The following ASH1L variants were observed in gnomAD, a reference collection of about 807,000 sequenced individuals.
ASH1L encodes ASH1 like histone lysine methyltransferase.
Under a neutral mutation model 269.0 loss-of-function variants are expected in ASH1L, and 23 were observed. That is an observed-to-expected ratio of 0.09 (90% CI 0.06 to 0.12). The LOEUF is 0.12. ASH1L is among the 10% of genes least tolerant of loss of function. ASH1L has a pLI of 1.00. For missense variants in ASH1L, 2,912 were observed against 3,567.8 expected (o/e 0.82, Z 4.68); for synonymous variants, 1,187 against 1,253.5 (o/e 0.95, Z 1.12).
Position 155,478,636 on chromosome 1 carries a change from G to A in ASH1L, c.4234C>T (p.Pro1412Ser). Residue 1412 changes from proline (P) to serine (S), a missense_variant, in exon 3 of 28, where the codon CCT (proline) becomes TCT (serine). Pro to Ser is a moderately conservative substitution (Grantham distance 74). Coordinates refer to ENST00000392403, the MANE Select transcript of ASH1L (RefSeq NM_018489.3). This position sits in a 1 kb window ranked among gnomAD's most constrained non-coding sequence, Gnocchi z 4.6. ...GGCGTGGTGAAAGAAGGAGATGGAG[G>A]AGGTGGATAAAGAGTGGGAGGATAC... ...GRYPPTLYPPPPSPSFTTPLP... is the reference protein window; with the variant it reads ...GRYPPTLYPPSPSPSFTTPLP... The A allele has an allele frequency of 1.9e-6, 3 of 1,614,030 alleles. No homozygotes were observed. Among genetic ancestry groups the A allele is most frequent in the South Asian group, 1.1e-5 (1 of 91,072 alleles).
At chr1:155,444,946 T>TTTTATACTATTTAAGAAA (rs1662894641) in intron 4 of ASH1L, among the ~76,000 whole-genome samples, 1 of 151,946 alleles carries the variant, frequency 6.6e-6, no homozygotes, top group Non-Finnish European at 1.5e-5. Flanking sequence ...GGTCCTTGCT[T>TTTTATACTATTTAAGAAA]TTTATACTAT....
chr1:155,355,289 G>C (rs1001024332), intron 15 of ASH1L, among the ~76,000 whole-genome samples: 1 of 152,232 alleles, frequency 6.6e-6, no homozygotes, highest in African/African-American at 2.4e-5. Flanking sequence ...GACATCAGGT[G>C]ATCCACCCGC....
At chr1:155,512,423 A>C (rs1668221015) in intron 2 of ASH1L, among the ~76,000 whole-genome samples, 1 of 151,070 alleles carries the variant, frequency 6.6e-6, no homozygotes, top group African/African-American at 2.4e-5. Flanking sequence ...TCTTTTAAAA[A>C]AAAAGAAAGG....
chr1:155,528,737 G>A (rs1233203316), intron 1 of ASH1L, among the ~76,000 whole-genome samples: 1 of 151,980 alleles, frequency 6.6e-6, no homozygotes, highest in African/African-American at 2.4e-5. Flanking sequence ...TAAGTTCAGG[G>A]GTACATGTGC....
rs1473785009 is a variant in ASH1L at position 155,479,201 on chromosome 1, C to T, written c.3669G>A (p.Arg1223=). The T allele has an allele frequency of 6.2e-7, 1 of 1,613,958 alleles. No homozygotes were observed. The highest frequency in any genetic ancestry group is 2.2e-5 in the East Asian group (1 of 44,888). The change falls in exon 3 of 28, where the codon AGG becomes AGA. Residue 1223 remains arginine (R), a synonymous_variant. Transcript: ENST00000392403. ...GAGAAACATGCTCAAAAGAATGCCT[C>T]CTCTTTTTTTGCCCACAAAATTTCT... ...RAEKFCGQKK[R]RHSFEHVSLI...
intron 5 of ASH1L, among the ~76,000 whole-genome samples, chr1:155,428,524 C>G (rs997554073): frequency 6.6e-6 from 1 of 151,976 alleles, no homozygotes; most frequent in African/African-American, 2.4e-5. Context: ...TGGCCATAAA[C>G]AAAATCTCTT....
At position 155,370,957 on chromosome 1, in the gene ASH1L, T is replaced by C. The variant is rs755762734; in HGVS notation, c.6359A>G (p.Asn2120Ser). 26 of 1,614,056 alleles carry C rather than the reference T, an allele frequency of 1.6e-5. No individual in the cohort carries two copies. Among genetic ancestry groups the C allele is most frequent in the Non-Finnish European group, 1.9e-5 (22 of 1,180,044 alleles). ...GCATTGCTCGCCACATGGGCAAGTG[T>C]TGGGGGAACACTCAGCAAAGATCAT... Reference protein sequence around the residue: ...NRMIFAECSPNTCPCGEQCCN... With the variant: ...NRMIFAECSPSTCPCGEQCCN... The change falls in exon 11 of 28, where the codon AAC (asparagine) becomes AGC (serine). Residue 2120 changes from asparagine (N) to serine (S), a missense_variant. This residue lies in a region of ASH1L where 193 missense variants were observed against 311.6 expected (regional missense o/e 0.62). Coordinates refer to ENST00000392403, the MANE Select transcript of ASH1L (RefSeq NM_018489.3).
intron 1 of ASH1L, among the ~76,000 whole-genome samples, chr1:155,532,365 A>G (rs527965275): frequency 6.6e-6 from 1 of 152,332 alleles, no homozygotes; most frequent in African/African-American, 2.4e-5. Context: ...ATAAAAACAA[A>G]GTATGATAAT....
chr1:155,385,603 T>C (rs1657361029), intron 7 of ASH1L, among the ~76,000 whole-genome samples: 1 of 152,220 alleles, frequency 6.6e-6, no homozygotes. Flanking sequence ...GGACATAAAT[T>C]GTCTTCCCAA....
chr1:155,562,846 T>TC, upstream of ASH1L: 1 of 307,114 alleles, frequency 3.3e-6, no homozygotes, highest in South Asian at 2.2e-5. Context: ...TCCCCCCCCT[T>TC]CCCCGCCCCC....
At chr1:155,414,772 C>G (rs2148538211) in intron 6 of ASH1L, among the ~76,000 whole-genome samples, 1 of 152,234 alleles carries the variant, frequency 6.6e-6, no homozygotes, top group South Asian at 2.1e-4. Context: ...ACATGCTGTT[C>G]TGACTGGAAT....
chr1:155,522,494 T>C (rs1385842815), intron 1 of ASH1L, among the ~76,000 whole-genome samples: 2 of 152,174 alleles, frequency 1.3e-5, no homozygotes, highest in Non-Finnish European at 2.9e-5. Context: ...TTTTTACAAG[T>C]TTTCCTAATA....
At chr1:155,477,817 T>C in intron 3 of ASH1L, 69 bp downstream of exon 3, 2 of 1,442,600 alleles carry the variant, frequency 1.4e-6, no homozygotes, top group Middle Eastern at 2.0e-4. Flanking sequence ...TTCATCTACA[T>C]TTATCAGGCA....
At chr1:155,466,933 T>C (rs1460110259) in intron 3 of ASH1L, among the ~76,000 whole-genome samples, 1 of 152,140 alleles carries the variant, frequency 6.6e-6, no homozygotes, top group Non-Finnish European at 1.5e-5. Context: ...TCAATCTATA[T>C]GCTTGTACAG....
rs1652963795 is a variant in ASH1L at position 155,343,248 on chromosome 1, TG to T, written c.8293+65del. On this transcript the variant is annotated intron_variant, in intron 24 of 27. Coordinates refer to ENST00000392403, the MANE Select transcript of ASH1L (RefSeq NM_018489.3). The surrounding 1 kb of genome is among the most constrained non-coding windows in gnomAD (Gnocchi z 6.1). The stretch of plus-strand genomic sequence containing the variant: ...TGCCTGCCTCGGCCTCCCACACCGC[TG>T]GGATTATCAGCGTGAGCCACTGCAC... The T allele has an allele frequency of 2.6e-6, 4 of 1,540,516 alleles. No homozygotes were observed. The African/African-American group carries it at 4.1e-5, about 16-fold the overall frequency.
intron 6 of ASH1L, among the ~76,000 whole-genome samples, chr1:155,407,029 C>T (rs1484971355): frequency 6.6e-6 from 1 of 152,086 alleles, no homozygotes; most frequent in African/African-American, 2.4e-5. Context: ...ATTGAACCAG[C>T]CTGGCCAACA....
At chr1:155,406,442 C>T (rs1328364267) in intron 6 of ASH1L, among the ~76,000 whole-genome samples, 1 of 152,166 alleles carries the variant, frequency 6.6e-6, no homozygotes, top group Non-Finnish European at 1.5e-5. Context: ...CAGTGGCTCA[C>T]GCCTATAATC....
chr1:155,559,590 A>G (rs1231064339), intron 1 of ASH1L, among the ~76,000 whole-genome samples: 1 of 152,088 alleles, frequency 6.6e-6, no homozygotes, highest in Non-Finnish European at 1.5e-5. Flanking sequence ...TAAAGTACAA[A>G]GCTGCATACA....
chr1:155,399,813 G>A (rs1316920483), intron 6 of ASH1L, among the ~76,000 whole-genome samples: 1 of 152,172 alleles, frequency 6.6e-6, no homozygotes, highest in Non-Finnish European at 1.5e-5. Flanking sequence ...GTGAAGTAGG[G>A]AAGGTAGTTC....
Sources: allele counts gnomAD v4.1 joint callset (sites outside exome capture counted in the v4.1 genomes callset), GRCh38; gene constraint gnomAD v4.1.1; regional missense constraint gnomAD v4.1.1; non-coding constraint Gnocchi (gnomAD v3.1); transcripts MANE v1.5; gene names NCBI Gene and HGNC (gene_info 2026-07-23, HGNC 2026-07-21).